RANBP17: variants seen among roughly 807,000 people sequenced by gnomAD.
RANBP17 encodes the protein RAN binding protein 17, also known as ran-binding protein 17.
In RANBP17, 158 loss-of-function variants were observed where a neutral mutation model predicts 141.2. The ratio of observed to expected loss-of-function variants is 1.12; its 90% CI spans 0.98 to 1.28. RANBP17 has a LOEUF of 1.28. RANBP17 is among the 50% of genes most tolerant of loss of function. RANBP17 has a pLI of 0.00. For missense variants in RANBP17, 1,438 were observed against 1,290.7 expected, an observed-to-expected ratio of 1.11 and a Z score of -1.75; for synonymous variants, 430 against 450.0, an observed-to-expected ratio of 0.96 and a Z score of 0.56.
At chr5:170,901,647 A>G (rs1469840175) in intron 5 of RANBP17, among the ~76,000 whole-genome samples, 4 of 152,194 alleles carry the variant, frequency 2.6e-5, no homozygotes, top group South Asian at 4.1e-4. Flanking sequence ...ATGTTTTTGC[A>G]GTGGCTGGTA....
At chr5:171,161,025 C>T (rs1298869210) in intron 14 of RANBP17, among the ~76,000 whole-genome samples, 2 of 152,174 alleles carry the variant, frequency 1.3e-5, no homozygotes, top group Non-Finnish European at 2.9e-5. Context: ...GTCTGGAACT[C>T]AGGTGATCCA....
chr5:171,170,749 G>A (rs967921209), intron 15 of RANBP17, among the ~76,000 whole-genome samples: 2 of 152,090 alleles, frequency 1.3e-5, no homozygotes, highest in Non-Finnish European at 2.9e-5. Flanking sequence ...CGCTTTATCT[G>A]TGTAACAGAC....
At chr5:171,014,239 G>A (rs1780277316) in intron 14 of RANBP17, among the ~76,000 whole-genome samples, 1 of 151,804 alleles carries the variant, frequency 6.6e-6, no homozygotes. Context: ...GTGGTAGGCA[G>A]CATATGATTC....
intron 14 of RANBP17, among the ~76,000 whole-genome samples, chr5:171,012,600 A>C (rs890537676): frequency 2.6e-5 from 4 of 152,152 alleles, no homozygotes; most frequent in Admixed American, 1.3e-4. Context: ...GCTTCTCATA[A>C]GTTAAAGTAG....
intron 14 of RANBP17, among the ~76,000 whole-genome samples, chr5:171,005,356 A>G (rs1480723056): frequency 1.3e-5 from 2 of 152,232 alleles, no homozygotes; most frequent in East Asian, 3.8e-4. Flanking sequence ...CTACAAGGCT[A>G]CAGTAACCAA....
chr5:170,867,197 G>A (rs2127306614), intron 1 of RANBP17: 1 of 152,316 alleles, frequency 6.6e-6, no homozygotes, highest in African/African-American at 2.4e-5. Context: ...GAAATAAAGA[G>A]TGGCAATTTG....
intron 14 of RANBP17, among the ~76,000 whole-genome samples, chr5:171,088,678 C>A (rs1461728265): frequency 6.6e-6 from 1 of 151,892 alleles, no homozygotes; most frequent in East Asian, 1.9e-4. Context: ...ATTCTTTTTT[C>A]TCTAAACTTC....
At chr5:171,178,856 T>A (rs1760696765) in intron 16 of RANBP17, among the ~76,000 whole-genome samples, 1 of 152,220 alleles carries the variant, frequency 6.6e-6, no homozygotes, top group South Asian at 2.1e-4. Context: ...TCGCCCACTT[T>A]TTGATGGGGT....
At chr5:171,210,792 G>T (rs766155941) in intron 20 of RANBP17, among the ~76,000 whole-genome samples, 2 of 151,828 alleles carry the variant, frequency 1.3e-5, no homozygotes, top group Admixed American at 1.3e-4. Flanking sequence ...GGATCATGAG[G>T]TCAAGAGATC....
At chr5:171,007,449 TGAG>T (rs1381381475) in intron 14 of RANBP17, among the ~76,000 whole-genome samples, 3 of 151,724 alleles carry the variant, frequency 2.0e-5, no homozygotes, top group African/African-American at 4.8e-5. Flanking sequence ...GGGAGCGACT[TGAG>T]GAGGAGCAGT....
intron 5 of RANBP17, among the ~76,000 whole-genome samples, chr5:170,907,491 T>C (rs1016103257): frequency 5.3e-5 from 8 of 152,102 alleles, no homozygotes; most frequent in African/African-American, 1.2e-4. Flanking sequence ...CAACTACTTA[T>C]ATGGATCTTA....
At chr5:171,102,167 G>C (rs1787213457) in intron 14 of RANBP17, among the ~76,000 whole-genome samples, 2 of 152,102 alleles carry the variant, frequency 1.3e-5, no homozygotes, top group African/African-American at 2.4e-5. Flanking sequence ...AGTTCTCCTG[G>C]ATAATATCCT....
rs558695696 is a variant in RANBP17 at position 170,997,940 on chromosome 5, CAT to C, written c.1710+29566_1710+29567del. On this transcript the variant is annotated intron_variant, in intron 14 of 27. Coordinates refer to ENST00000523189, the MANE Select transcript of RANBP17 (RefSeq NM_022897.5). ...CAGTATTATTTCTTATAAAAAGAAA[CAT>C]ATTAATTTTAAAAATGCCCTTCTTT... is the stretch of plus-strand genomic sequence containing the variant. Among the ~76,000 whole-genome samples the C allele has an allele frequency of 4.0e-3, 615 of 151,900 alleles. 5 individuals are homozygous for C. Among genetic ancestry groups the C allele is most frequent in the African/African-American group, 0.014 (593 of 41,440 alleles).
chr5:171,155,122 T>TACACAC (rs375832271), intron 14 of RANBP17, among the ~76,000 whole-genome samples: 27 of 134,974 alleles, frequency 2.0e-4, no homozygotes, highest in African/African-American at 7.1e-4. Context: ...TATATATATG[T>TACACAC]ACACACACAC....
chr5:171,219,066 G>C (rs1184589363), intron 21 of RANBP17, among the ~76,000 whole-genome samples: 1 of 152,160 alleles, frequency 6.6e-6, no homozygotes, highest in Admixed American at 6.5e-5. Flanking sequence ...TACTTTAGGA[G>C]CTCTTGTAAG....
intron 14 of RANBP17, among the ~76,000 whole-genome samples, chr5:170,999,215 T>G (rs1224930526): frequency 6.6e-6 from 1 of 152,104 alleles, no homozygotes; most frequent in Non-Finnish European, 1.5e-5. Context: ...AAATTTTAAG[T>G]ATATTTCTAT....
At chr5:171,293,574 A>G (rs897862335) in intron 25 of RANBP17, among the ~76,000 whole-genome samples, 2 of 152,198 alleles carry the variant, frequency 1.3e-5, no homozygotes, top group Admixed American at 1.3e-4. Flanking sequence ...CATAGAGGAA[A>G]GCATATCAGG....
chr5:171,101,581 T>C (rs371910164), intron 14 of RANBP17, among the ~76,000 whole-genome samples: 2 of 152,354 alleles, frequency 1.3e-5, no homozygotes, highest in African/African-American at 4.8e-5. Context: ...AATTTGGGCA[T>C]TTAACCCATT....
chr5:170,878,818 G>C (rs1243685990), intron 2 of RANBP17, among the ~76,000 whole-genome samples: 1 of 152,156 alleles, frequency 6.6e-6, no homozygotes, highest in Non-Finnish European at 1.5e-5. Flanking sequence ...AGACTGTGTG[G>C]TCTAGAGCAG....
Sources: gnomAD v4.1 joint callset for allele counts (sites outside exome capture counted in the v4.1 genomes callset) on GRCh38, gnomAD v4.1.1 for gene constraint, MANE v1.5 for transcripts, NCBI Gene and HGNC (gene_info 2026-07-23, HGNC 2026-07-21) for gene names.